The following FBLN1 variants were observed in gnomAD, a reference collection of about 807,000 sequenced individuals.
FBLN1 encodes the protein fibulin-1.
Under a neutral mutation model 89.7 loss-of-function variants are expected in FBLN1, and 34 were observed. That is an observed-to-expected ratio of 0.38 (90% CI 0.29 to 0.50). FBLN1 has a LOEUF of 0.50. Ranked by LOEUF, FBLN1 falls within the 20% of genes least tolerant of loss-of-function variation. The probability of loss-of-function intolerance (pLI) is 0.92; values close to 1 mark genes in which losing one functional copy is unlikely to be tolerated. For missense variants in FBLN1, 777 were observed against 988.1 expected, an observed-to-expected ratio of 0.79 and a Z score of 2.86; for synonymous variants, 393 against 391.3, an observed-to-expected ratio of 1.00 and a Z score of -0.05.
At position 45,541,255 on chromosome 22, in the gene FBLN1, G is replaced by A; in HGVS notation, c.949G>A (p.Ala317Thr). The change falls in exon 9 of 17, where the codon GCC (alanine) becomes ACC (threonine). Residue 317 changes from alanine to threonine, a missense_variant. Physicochemically the swap from Ala to Thr is moderately conservative, Grantham distance 58. Transcript: ENST00000327858. ...IDINECLSIS[A>T]PCPIGHTCIN... ...TATCAATGAGTGTTTGAGTATCAGT[G>A]CCCCGTGCCCTATCGGGCATACATG... The A allele has an allele frequency of 6.2e-7, 1 of 1,614,248 alleles. No individual in the cohort carries two copies. Among genetic ancestry groups the A allele is most frequent in the Non-Finnish European group, 8.5e-7 (1 of 1,180,036 alleles).
intron 16 of FBLN1, among the ~76,000 whole-genome samples, chr22:45,585,266 A>G (rs1256575052): frequency 6.6e-6 from 1 of 152,172 alleles, no homozygotes; most frequent in Non-Finnish European, 1.5e-5. Context: ...GGGCTTGTGA[A>G]TGGAGATATC....
chr22:45,520,162 C>T (rs2088230188), intron 2 of FBLN1, among the ~76,000 whole-genome samples: 1 of 152,132 alleles, frequency 6.6e-6, no homozygotes, highest in Admixed American at 6.6e-5. Flanking sequence ...GAGTGAGACT[C>T]CGTGCCCCCA....
chr22:45,568,884 GC>G (rs1400912009), intron 14 of FBLN1, among the ~76,000 whole-genome samples: 2 of 152,210 alleles, frequency 1.3e-5, no homozygotes, highest in Non-Finnish European at 2.9e-5. Flanking sequence ...ACTTGTCTCA[GC>G]CCCTGGTGGT....
At chr22:45,533,687 C>T in intron 6 of FBLN1, 74 bp from the exon 7 acceptor site, 4 of 1,571,826 alleles carry the variant, frequency 2.5e-6, no homozygotes, top group Non-Finnish European at 3.5e-6. Flanking sequence ...GTGGCTTTGG[C>T]ACATTCCTTT....
At chr22:45,505,301 G>A (rs2088003738) in intron 1 of FBLN1, among the ~76,000 whole-genome samples, 1 of 152,244 alleles carries the variant, frequency 6.6e-6, no homozygotes, top group South Asian at 2.1e-4. Context: ...AAAGAAAGTT[G>A]GGAGGGAGAA....
At position 45,503,837 on chromosome 22, in the gene FBLN1, A is replaced by G. The variant is rs146902758; in HGVS notation, c.79+773A>G. Among the ~76,000 whole-genome samples the G allele has an allele frequency of 4.3e-3, 656 of 151,934 alleles. 2 individuals carry two copies. The highest frequency in any genetic ancestry group is 0.015 in the African/African-American group (633 of 41,422). ...TCGATGGCCCAGACCTTAGGCCCCA[A>G]CTCTGGGACTGACAGCTCCGGGACA... On this transcript the variant is annotated intron_variant, in intron 1 of 16. Transcript: ENST00000327858.
chr22:45,506,043 A>G (rs973537094), intron 1 of FBLN1, among the ~76,000 whole-genome samples: 2 of 152,222 alleles, frequency 1.3e-5, no homozygotes, highest in Non-Finnish European at 2.9e-5. Flanking sequence ...TGCTGGAATT[A>G]CAGGTGTGAG....
At chr22:45,525,407 C>A in intron 2 of FBLN1, 136 bp from the exon 3 acceptor site, 1 of 785,046 alleles carries the variant, frequency 1.3e-6, no homozygotes, top group Non-Finnish European at 2.1e-6. Context: ...CACTGGGGCA[C>A]TGTGTATTTC....
In FBLN1 at chr22:45,597,988, C is replaced by T. The variant is rs1171775501; in HGVS notation, c.1973-2319C>T. Among the ~76,000 whole-genome samples the T allele has an allele frequency of 6.6e-6, 1 of 152,176 alleles. No homozygotes were observed. Among genetic ancestry groups the T allele is most frequent in the East Asian group, 1.9e-4 (1 of 5,196 alleles). On this transcript the variant is annotated intron_variant, in intron 16 of 16. Transcript: ENST00000327858. The surrounding 1 kb of genome is among the most constrained non-coding windows in gnomAD (Gnocchi z 4.2). Reference sequence around the variant, plus strand: ...CGTACCGAAGGCCTTCCTGACCCCTCAGTTCTCCCCTGAGCCTTTGCTGTG... The same window carrying T: ...CGTACCGAAGGCCTTCCTGACCCCTTAGTTCTCCCCTGAGCCTTTGCTGTG...
intron 14 of FBLN1, chr22:45,565,310 G>A (rs1569258913): frequency 2.4e-6 from 3 of 1,270,682 alleles, no homozygotes; most frequent in Non-Finnish European, 3.1e-6. Flanking sequence ...GCCTGATCTG[G>A]CCTCTGCCCA....
At chr22:45,596,968 CTA>C (rs916617870) in intron 16 of FBLN1, among the ~76,000 whole-genome samples, 9 of 150,056 alleles carry the variant, frequency 6.0e-5, no homozygotes, top group Non-Finnish European at 1.3e-4. Context: ...ATATATGAAA[CTA>C]TATAATATAC....
chr22:45,593,336 C>T (rs2089155760), intron 16 of FBLN1, among the ~76,000 whole-genome samples: 1 of 152,136 alleles, frequency 6.6e-6, no homozygotes, highest in Non-Finnish European at 1.5e-5. Flanking sequence ...GTTCAGGATC[C>T]TGGATCCCCA....
At chr22:45,526,677 C>T (rs1448970006) in intron 3 of FBLN1, among the ~76,000 whole-genome samples, 2 of 152,184 alleles carry the variant, frequency 1.3e-5, no homozygotes, top group South Asian at 2.1e-4. Flanking sequence ...GGAGGGACTC[C>T]GTGTGGAGGA....
chr22:45,589,922 T>C lies in FBLN1; in HGVS notation c.1973-10385T>C, dbSNP rs573007192. 5.3e-5 allele frequency among the ~76,000 whole-genome samples: 8 copies of C among 152,306 alleles called. No homozygotes were observed. In the East Asian group the frequency reaches 1.5e-3, roughly 29 times the overall value. ...GGTTAACCCGTTGGGGAAGCTTCCA[T>C]GACACCAGTTCCCGGTTTGGGGTGT... On this transcript the variant is annotated intron_variant, in intron 16 of 16. Transcript: ENST00000327858.
chr22:45,565,163 A>C, intron 14 of FBLN1: 1 of 1,563,522 alleles, frequency 6.4e-7, no homozygotes, highest in South Asian at 1.1e-5. Flanking sequence ...GTTGTAGTAC[A>C]TTCTCCAAGA....
Position 45,582,655 on chromosome 22 carries a change from G to T in FBLN1, c.1972+5547G>T, listed in dbSNP as rs539913391. Among the ~76,000 whole-genome samples, 4 of 152,330 alleles carry T rather than the reference G, an allele frequency of 2.6e-5. No individual in the cohort carries two copies. The East Asian group carries it at 7.7e-4, about 29-fold the overall frequency. On this transcript the variant is annotated intron_variant, in intron 16 of 16. Coordinates refer to ENST00000327858, the MANE Select transcript of FBLN1 (RefSeq NM_006486.3). The stretch of plus-strand genomic sequence containing the variant: ...TGCAATTTAGGGAGGATCTTTCTAG[G>T]CTGGGGCAGGAGCTTCACGGCTGGG...
chr22:45,514,779 A>G (rs1052953473), intron 1 of FBLN1, among the ~76,000 whole-genome samples: 2 of 152,168 alleles, frequency 1.3e-5, no homozygotes, highest in African/African-American at 2.4e-5. Flanking sequence ...GAGGAGGAAG[A>G]CACCATCCCT....
At chr22:45,508,151 G>C (rs1485315018) in intron 1 of FBLN1, among the ~76,000 whole-genome samples, 3 of 152,158 alleles carry the variant, frequency 2.0e-5, no homozygotes, top group Non-Finnish European at 2.9e-5. Flanking sequence ...TCAATGAGGG[G>C]ACATGGAGGC....
At chr22:45,599,041 CGGGCCCAGGCT>C (rs894060009) in intron 16 of FBLN1, among the ~76,000 whole-genome samples, 53 of 152,304 alleles carry the variant, frequency 3.5e-4, no homozygotes, top group African/African-American at 1.1e-3. Context: ...ATGGAGATGG[CGGGCCCAGGCT>C]GGGGAGGACT....
Sources: gnomAD v4.1 joint callset for allele counts (sites outside exome capture counted in the v4.1 genomes callset) on GRCh38, gnomAD v4.1.1 for gene constraint, Gnocchi (gnomAD v3.1) non-coding constraint, MANE v1.5 for transcripts, NCBI Gene and HGNC (gene_info 2026-07-23, HGNC 2026-07-21) for gene names.